The following ZC3H12A variants were observed in gnomAD, a reference collection of about 807,000 sequenced individuals.
ZC3H12A encodes endoribonuclease ZC3H12A.
In ZC3H12A, 9 loss-of-function variants were observed where a neutral mutation model predicts 29.9. The observed-to-expected ratio is 0.30, with a 90% CI of 0.18 to 0.53. The LOEUF (loss-of-function observed/expected upper bound fraction) is 0.53. Among genes scored for constraint, ZC3H12A ranks in the 20% least tolerant of loss-of-function variants. The pLI is 0.96. For missense variants in ZC3H12A, 617 were observed against 799.0 expected, an observed-to-expected ratio of 0.77 and a Z score of 2.75; for synonymous variants, 323 against 338.1, an observed-to-expected ratio of 0.96 and a Z score of 0.49.
Position 37,479,003 on chromosome 1 carries a change from C to A in ZC3H12A, c.444-1287C>A. On this transcript the variant is annotated intron_variant, in intron 2 of 5. Coordinates refer to ENST00000373087, the MANE Select transcript of ZC3H12A (RefSeq NM_025079.3). The surrounding 1 kb of genome is among the most constrained non-coding windows in gnomAD (Gnocchi z 4.5). ...CCATGGCCCCCAGCTGCCCCACCTCCCTCCCTAGCTTCTCTTAGGGCTCCA... is the reference window on the plus strand; with the variant it reads ...CCATGGCCCCCAGCTGCCCCACCTCACTCCCTAGCTTCTCTTAGGGCTCCA... 1.0e-6 allele frequency: 1 copy of A among 985,328 alleles called. No homozygotes were observed. The allele number at this position is 985,328 out of a possible 1,614,324, so 61.0% of individuals were successfully genotyped here.
At chr1:37,482,267 T>C (rs990770850) in intron 4 of ZC3H12A, 167 bp from the exon 5 acceptor site, 5 of 625,500 alleles carry the variant, frequency 8.0e-6, no homozygotes, top group Non-Finnish European at 1.4e-5. Flanking sequence ...TTCTCCTCCC[T>C]TGGTATGATC....
In ZC3H12A at chr1:37,483,867, A is replaced by G. The variant is rs1052225; in HGVS notation, c.*256A>G. On this transcript the variant is annotated 3_prime_UTR_variant, in exon 6 of 6. Coordinates refer to ENST00000373087, the MANE Select transcript of ZC3H12A (RefSeq NM_025079.3). ...GATACACATTGTATCTCTGTAGTTTAAGGAGACGCTGCCGGTAACGGCGTC... is the reference window on the plus strand; with the variant it reads ...GATACACATTGTATCTCTGTAGTTTGAGGAGACGCTGCCGGTAACGGCGTC... The G allele has an allele frequency of 1.7e-5, 8 of 478,976 alleles. No homozygotes were observed. Among genetic ancestry groups the G allele is most frequent in the African/African-American group, 1.5e-4 (8 of 52,044 alleles). The allele number at this position is 478,976 out of a possible 1,614,324, so 29.7% of individuals were successfully genotyped here. A position where few individuals can be genotyped will look rare whatever the true frequency, so the allele number is the denominator to read the frequency against.
rs145533943 is a variant in ZC3H12A at position 37,479,812 on chromosome 1, G to T, written c.444-478G>T. 2.3e-4 allele frequency: 229 copies of T among 985,426 alleles called. No homozygotes were observed. The African/African-American group carries it at 3.3e-3, about 14-fold the overall frequency. 61.0% of individuals were successfully genotyped at this position (985,426 alleles called of 1,614,324 possible). On this transcript the variant is annotated intron_variant, in intron 2 of 5. Coordinates refer to ENST00000373087, the MANE Select transcript of ZC3H12A (RefSeq NM_025079.3). The surrounding 1 kb of genome is among the most constrained non-coding windows in gnomAD (Gnocchi z 4.5). ...CCCGCCCCCACCCACGCTGCAAGAG[G>T]CGAGGGAGGGGTGGTGACTCAGTGT...
chr1:37,482,850 A>G lies in ZC3H12A; in HGVS notation c.1039A>G (p.Arg347Gly). The G allele has an allele frequency of 6.2e-7, 1 of 1,613,872 alleles. No homozygotes were observed. Among genetic ancestry groups the G allele is most frequent in the South Asian group, 1.1e-5 (1 of 91,076 alleles). The change falls in exon 6 of 6, where the codon AGA becomes GGA. Residue 347 changes from arginine (R) to glycine (G), a missense_variant. Physicochemically the swap from Arg to Gly is moderately radical, Grantham distance 125 (BLOSUM62 -2). Coordinates refer to ENST00000373087, the MANE Select transcript of ZC3H12A (RefSeq NM_025079.3). ...LRANALLSPP[R>G]APSKDKNGRR... ...TGCCAATGCTCTCCTCTCACCCCCCAGAGCCCCAAGCAAGGACAAAAATGG... is the reference window on the plus strand; with the variant it reads ...TGCCAATGCTCTCCTCTCACCCCCCGGAGCCCCAAGCAAGGACAAAAATGG...
chr1:37,477,487 C>G (rs114335443), intron 2 of ZC3H12A, among the ~76,000 whole-genome samples: 3 of 152,298 alleles, frequency 2.0e-5, no homozygotes, highest in African/African-American at 4.8e-5. Context: ...CCGGCCACCC[C>G]CCCTCCCCAG....
rs1238743211 is a variant in ZC3H12A at position 37,478,809 on chromosome 1, CAG to C, written c.444-1480_444-1479del. 4 of 981,238 alleles carry C rather than the reference CAG, an allele frequency of 4.1e-6. No individual in the cohort carries two copies. In the African/African-American group the frequency reaches 7.0e-5, roughly 17 times the overall value. The allele number at this position is 981,238 out of a possible 1,614,324, so 60.8% of individuals were successfully genotyped here. On this transcript the variant is annotated intron_variant, in intron 2 of 5. Transcript: ENST00000373087. This position sits in a 1 kb window ranked among gnomAD's most constrained non-coding sequence, Gnocchi z 5.2. ...ATGATTCAGTGTTAGACACTTATAACAGGGCCTGGTTCACAGCTCTCAGCAAA... is the reference window on the plus strand; with the variant it reads ...ATGATTCAGTGTTAGACACTTATAACGGCCTGGTTCACAGCTCTCAGCAAA...
chr1:37,479,790 G>A lies in ZC3H12A; in HGVS notation c.444-500G>A, dbSNP rs750839010. ...GGTCAGCCCAGCCGGTGCTTCCCCCGCCCCCACCCACGCTGCAAGAGGCGA... is the reference window on the plus strand; with the variant it reads ...GGTCAGCCCAGCCGGTGCTTCCCCCACCCCCACCCACGCTGCAAGAGGCGA... On this transcript the variant is annotated intron_variant, in intron 2 of 5. Transcript: ENST00000373087. This position sits in a 1 kb window ranked among gnomAD's most constrained non-coding sequence, Gnocchi z 4.5. 7.9e-5 allele frequency: 78 copies of A among 985,186 alleles called. No homozygotes were observed. The highest frequency in any genetic ancestry group is 1.4e-4 in the African/African-American group (8 of 57,208). The allele number at this position is 985,186 out of a possible 1,614,324, so 61.0% of individuals were successfully genotyped here.
intron 4 of ZC3H12A, chr1:37,482,219 G>T (rs892396507): frequency 2.2e-5 from 13 of 597,484 alleles, no homozygotes; most frequent in Non-Finnish European, 3.6e-5. Context: ...TCCCCTAAAG[G>T]TGCCCATGGG....
intron 2 of ZC3H12A, 93 bp from the exon 3 acceptor site, chr1:37,480,197 G>T: frequency 6.5e-7 from 1 of 1,530,124 alleles, no homozygotes. Flanking sequence ...GCCAGGGCAG[G>T]GGTGGGGTGT....
At chr1:37,480,165 A>G in intron 2 of ZC3H12A, 125 bp from the exon 3 acceptor site, 9 of 1,461,456 alleles carry the variant, frequency 6.2e-6, no homozygotes, top group Non-Finnish European at 8.2e-6. Context: ...AGGGGAAGGG[A>G]CTGCTCACTA....
intron 5 of ZC3H12A, 87 bp from the exon 6 acceptor site, chr1:37,482,650 A>G: frequency 6.2e-7 from 1 of 1,609,712 alleles, no homozygotes; most frequent in Non-Finnish European, 8.5e-7. Flanking sequence ...GGACCACCCA[A>G]CCCCGTTTCC....
chr1:37,483,922 T>C lies in ZC3H12A; in HGVS notation c.*311T>C, dbSNP rs1380745849. On this transcript the variant is annotated 3_prime_UTR_variant, in exon 6 of 6. Transcript: ENST00000373087. ...CGTGGCTGAGGCCCAAACCGTCTTT[T>C]CTCTCAGAGGGTGGGGAGGGAGGTG... 1 of 295,750 alleles carries C rather than the reference T, an allele frequency of 3.4e-6. No homozygotes were observed. Among genetic ancestry groups the C allele is most frequent in the East Asian group, 6.3e-5 (1 of 15,842 alleles). 18.3% of individuals were successfully genotyped at this position (295,750 alleles called of 1,614,324 possible).
intron 3 of ZC3H12A, 92 bp from the exon 4 acceptor site, chr1:37,481,509 C>T (rs1641700945): frequency 3.1e-6 from 4 of 1,285,234 alleles, no homozygotes; most frequent in Admixed American, 1.8e-5. Flanking sequence ...GTTAACCACT[C>T]CTGTGTGTGG....
At position 37,474,622 on chromosome 1, in the gene ZC3H12A, A is replaced by C. The variant is rs1012469942; in HGVS notation, c.-46A>C. 2 of 151,358 alleles carry C rather than the reference A, an allele frequency of 1.3e-5. No homozygotes were observed. Among genetic ancestry groups the C allele is most frequent in the Non-Finnish European group, 2.9e-5 (2 of 67,810 alleles). The allele number at this position is 151,358 out of a possible 1,614,324, so 9.4% of individuals were successfully genotyped here. A position where few individuals can be genotyped will look rare whatever the true frequency, so the allele number is the denominator to read the frequency against. The stretch of plus-strand genomic sequence containing the variant: ...AGACGCCGCCGGCCGCCGCTGGCGC[A>C]TGGCGGGGTGAGGCGCGGCGGGGAG... On this transcript the variant is annotated 5_prime_UTR_variant, in exon 1 of 6. An upstream start codon of the reference 5' UTR is lost. Coordinates refer to ENST00000373087, the MANE Select transcript of ZC3H12A (RefSeq NM_025079.3).
At chr1:37,477,069 A>G (rs1641605878) in intron 2 of ZC3H12A, among the ~76,000 whole-genome samples, 1 of 152,188 alleles carries the variant, frequency 6.6e-6, no homozygotes, top group Non-Finnish European at 1.5e-5. Flanking sequence ...CCTTCAGGCC[A>G]GTCTTCCTCT....
rs1641638030 is a variant in ZC3H12A, at chr1:37,478,630, A to G, written c.444-1660A>G. 6.6e-6 allele frequency among the ~76,000 whole-genome samples: 1 copy of G among 152,182 alleles called. No homozygotes were observed. The highest frequency in any genetic ancestry group is 1.9e-4 in the East Asian group (1 of 5,200). On this transcript the variant is annotated intron_variant, in intron 2 of 5. Coordinates refer to ENST00000373087, the MANE Select transcript of ZC3H12A (RefSeq NM_025079.3). The surrounding 1 kb of genome is among the most constrained non-coding windows in gnomAD (Gnocchi z 5.2). ...CTGCCTGAGCATTGACGTACAGGGTAGTGATAAGCATAGGCCCTGGGCTTG... is the reference window on the plus strand; with the variant it reads ...CTGCCTGAGCATTGACGTACAGGGTGGTGATAAGCATAGGCCCTGGGCTTG...
At position 37,481,704 on chromosome 1, in the gene ZC3H12A, T is replaced by C. The variant is rs374891160; in HGVS notation, c.687T>C (p.Ile229=). The change falls in exon 4 of 6, where the codon ATT becomes ATC. Residue 229 remains isoleucine (I), a synonymous_variant. Transcript: ENST00000373087. ...KRVVCYDDRF[I]VKLAYESDGI... ...TGGTGTGCTATGACGACAGATTCAT[T>C]GTGAAGCTGGCCTACGAGTCTGACG... The C allele has an allele frequency of 1.4e-5, 23 of 1,614,212 alleles. No homozygotes were observed. Among genetic ancestry groups the C allele is most frequent in the Non-Finnish European group, 1.9e-5 (22 of 1,180,036 alleles).
chr1:37,483,502 T>G lies in ZC3H12A; in HGVS notation c.1691T>G (p.Phe564Cys). ...ASVYTKLCGV[F>C]PPHLVEAVMG... Reference sequence around the variant, plus strand: ...GTGTATACTAAGCTGTGTGGTGTGTTTCCCCCGCACCTGGTGGAGGCTGTG... The same window carrying G: ...GTGTATACTAAGCTGTGTGGTGTGTGTCCCCCGCACCTGGTGGAGGCTGTG... The change falls in exon 6 of 6, where the codon TTT becomes TGT. Residue 564 changes from phenylalanine to cysteine, a missense_variant. Phe to Cys is a radical substitution (Grantham distance 205). This residue lies in a region of ZC3H12A where 172 missense variants were observed against 203.1 expected (regional missense o/e 0.85). Transcript: ENST00000373087. The G allele has an allele frequency of 6.2e-7, 1 of 1,613,964 alleles. No individual in the cohort carries two copies.
Position 37,482,429 on chromosome 1 carries a change from T to G in ZC3H12A, c.819-5T>G, listed in dbSNP as rs1641727338. ...CCTCCAGAGAGTTCTTTGCACCCTC[T>G]GCAGGTTTATGCCCCCTGATGACCC... On this transcript the variant is annotated splice_region_variant and splice_polypyrimidine_tract_variant and intron_variant, in intron 4 of 5. Coordinates refer to ENST00000373087, the MANE Select transcript of ZC3H12A (RefSeq NM_025079.3). 2 of 1,610,992 alleles carry G rather than the reference T, an allele frequency of 1.2e-6. No individual in the cohort carries two copies. Among genetic ancestry groups the G allele is most frequent in the South Asian group, 1.1e-5 (1 of 90,880 alleles).
Sources: allele counts gnomAD v4.1 joint callset (sites outside exome capture counted in the v4.1 genomes callset), GRCh38; gene constraint gnomAD v4.1.1; regional missense constraint gnomAD v4.1.1; non-coding constraint Gnocchi (gnomAD v3.1); transcripts MANE v1.5; gene names NCBI Gene and HGNC (gene_info 2026-07-23, HGNC 2026-07-21).